Variants in TRAPPC9 observed in about 807,000 individuals in gnomAD.
TRAPPC9 encodes IKK2 binding protein.
In TRAPPC9, 83 loss-of-function variants were observed where a neutral mutation model predicts 124.0. That is an observed-to-expected ratio of 0.67 (90% CI 0.56 to 0.80). The LOEUF is 0.80. TRAPPC9 is among the 30% of genes least tolerant of loss of function. The pLI is 0.00. For missense variants in TRAPPC9, 1,302 were observed against 1,508.3 expected, an observed-to-expected ratio of 0.86 and a Z score of 2.27; for synonymous variants, 638 against 617.5, an observed-to-expected ratio of 1.03 and a Z score of -0.49.
intron 16 of TRAPPC9, among the ~76,000 whole-genome samples, chr8:140,248,862 C>A (rs1182109970): frequency 1.3e-5 from 2 of 152,170 alleles, no homozygotes; most frequent in East Asian, 3.8e-4. Flanking sequence ...TCTGATGTTT[C>A]ATTTAGAAAC....
At chr8:140,364,589 AT>A (rs1435371394) in intron 8 of TRAPPC9, among the ~76,000 whole-genome samples, 7 of 149,020 alleles carry the variant, frequency 4.7e-5, no homozygotes, top group Admixed American at 6.7e-5. Context: ...AACTCTTAGC[AT>A]TTTTTTTTTC....
chr8:139,818,990 G>A (rs535127104), intron 21 of TRAPPC9, among the ~76,000 whole-genome samples: 1 of 152,326 alleles, frequency 6.6e-6, no homozygotes, highest in African/African-American at 2.4e-5. Flanking sequence ...GCCACAGACT[G>A]GTACCGGTCT....
At chr8:140,200,707 A>G (rs1310635220) in intron 17 of TRAPPC9, among the ~76,000 whole-genome samples, 1 of 152,178 alleles carries the variant, frequency 6.6e-6, no homozygotes, top group African/African-American at 2.4e-5. Context: ...ACCGGAAGAC[A>G]CTAAGAAGAC....
At chr8:140,370,517 T>C (rs952445998) in intron 8 of TRAPPC9, among the ~76,000 whole-genome samples, 1 of 152,216 alleles carries the variant, frequency 6.6e-6, no homozygotes, top group African/African-American at 2.4e-5. Context: ...TGTTATTAGA[T>C]TGATAGCTTT....
intron 17 of TRAPPC9, among the ~76,000 whole-genome samples, chr8:140,152,258 A>AAAAAAT (rs2061555326): frequency 6.7e-6 from 1 of 149,182 alleles, no homozygotes; most frequent in Non-Finnish European, 1.5e-5. Flanking sequence ...AAAAAAAAAA[A>AAAAAAT]GTGACTCTTA....
At chr8:140,153,816 A>G (rs1458759122) in intron 17 of TRAPPC9, among the ~76,000 whole-genome samples, 2 of 152,182 alleles carry the variant, frequency 1.3e-5, no homozygotes, top group Non-Finnish European at 2.9e-5. Context: ...CAGGGTATCA[A>G]AGATTCTCCA....
intron 9 of TRAPPC9, among the ~76,000 whole-genome samples, chr8:140,359,520 A>T (rs958360638): frequency 2.0e-5 from 3 of 152,186 alleles, no homozygotes; most frequent in African/African-American, 7.2e-5. Flanking sequence ...GAGAGCCAAC[A>T]CATGCAAACC....
chr8:140,230,776 CA>C (rs1017050911), intron 16 of TRAPPC9, among the ~76,000 whole-genome samples: 3 of 88,088 alleles, frequency 3.4e-5, no homozygotes, highest in Non-Finnish European at 7.8e-5. Context: ...AACTCCATCT[CA>C]AAAAAAAAGA....
At chr8:139,732,545 G>A (rs1817908529) in intron 21 of TRAPPC9, among the ~76,000 whole-genome samples, 1 of 152,228 alleles carries the variant, frequency 6.6e-6, no homozygotes, top group Non-Finnish European at 1.5e-5. Context: ...TGACACCGTA[G>A]AGGCGAGGGC....
At chr8:140,138,023 G>A (rs547510324) in intron 17 of TRAPPC9, among the ~76,000 whole-genome samples, 3 of 152,208 alleles carry the variant, frequency 2.0e-5, no homozygotes, top group East Asian at 3.9e-4. Flanking sequence ...GCAGCTGACC[G>A]GGTGCACTGG....
At chr8:140,324,622 T>C (rs1430440432) in intron 9 of TRAPPC9, among the ~76,000 whole-genome samples, 3 of 151,816 alleles carry the variant, frequency 2.0e-5, no homozygotes, top group Non-Finnish European at 4.4e-5. Flanking sequence ...ATAAGAAAAT[T>C]AGGCGGGCAT....
At chr8:140,007,053 C>T (rs980519110) in intron 18 of TRAPPC9, among the ~76,000 whole-genome samples, 3 of 152,258 alleles carry the variant, frequency 2.0e-5, no homozygotes, top group African/African-American at 7.2e-5. Flanking sequence ...GAAGCAGGGG[C>T]GCCCAGGAAT....
chr8:140,096,895 C>G (rs1381584309), intron 17 of TRAPPC9: 1 of 152,290 alleles, frequency 6.6e-6, no homozygotes, highest in African/African-American at 2.4e-5. Context: ...GGACGTGAGA[C>G]ATTCCTATGC....
intron 21 of TRAPPC9, among the ~76,000 whole-genome samples, chr8:139,768,415 G>C (rs1454257691): frequency 6.6e-6 from 1 of 152,218 alleles, no homozygotes; most frequent in Non-Finnish European, 1.5e-5. Context: ...CCACCCACCA[G>C]TGGTGGGCCA....
At chr8:140,016,816 A>T (rs2131879641) in intron 18 of TRAPPC9, among the ~76,000 whole-genome samples, 1 of 152,262 alleles carries the variant, frequency 6.6e-6, no homozygotes, top group Non-Finnish European at 1.5e-5. Flanking sequence ...TAGGAATGAA[A>T]TTGCTGGATC....
At chr8:140,333,008 C>T (rs1412091342) in intron 9 of TRAPPC9, among the ~76,000 whole-genome samples, 1 of 152,046 alleles carries the variant, frequency 6.6e-6, no homozygotes, top group East Asian at 1.9e-4. Context: ...TGCCAGTAGT[C>T]CCAGCTACTC....
intron 17 of TRAPPC9, among the ~76,000 whole-genome samples, chr8:140,084,109 C>T (rs994707345): frequency 6.6e-6 from 1 of 152,030 alleles, no homozygotes; most frequent in Admixed American, 6.6e-5. Flanking sequence ...GGAGTAGGCA[C>T]TCAGAAAATG....
At chr8:139,858,203 T>G (rs999331867) in intron 21 of TRAPPC9, among the ~76,000 whole-genome samples, 2 of 152,232 alleles carry the variant, frequency 1.3e-5, no homozygotes, top group African/African-American at 4.8e-5. Context: ...GACTAACTCT[T>G]TAAACAACAA....
chr8:140,011,969 C>A (rs554399710), intron 18 of TRAPPC9, among the ~76,000 whole-genome samples: 1 of 152,030 alleles, frequency 6.6e-6, no homozygotes, highest in South Asian at 2.1e-4. Context: ...TGAGCCACTG[C>A]GCCAGACAAT....
Sources: allele counts gnomAD v4.1 joint callset (sites outside exome capture counted in the v4.1 genomes callset), GRCh38; gene constraint gnomAD v4.1.1; transcripts MANE v1.5; gene names NCBI Gene and HGNC (gene_info 2026-07-23, HGNC 2026-07-21).